CEP128: variants seen among roughly 807,000 people sequenced by gnomAD.
CEP128 encodes the protein centrosomal protein 128kDa.
In CEP128, 132 loss-of-function variants were observed where a neutral mutation model predicts 156.7. The ratio of observed to expected loss-of-function variants is 0.84; its 90% CI spans 0.73 to 0.97. The LOEUF is 0.97. Ranked by LOEUF, CEP128 falls within the 50% of genes least tolerant of loss-of-function variation. CEP128 has a pLI of 0.00. For missense variants in CEP128, 1,252 were observed against 1,281.9 expected, an observed-to-expected ratio of 0.98 and a Z score of 0.36; for synonymous variants, 469 against 448.9, an observed-to-expected ratio of 1.04 and a Z score of -0.57.
chr14:80,899,831 T>A (rs1883427055), intron 7 of CEP128, 107 bp downstream of exon 7: 4 of 775,066 alleles, frequency 5.2e-6, no homozygotes, highest in Non-Finnish European at 8.6e-6. Context: ...AGGTACTGTA[T>A]ACAAACACAA....
chr14:80,623,374 G>T (rs1269974884), intron 19 of CEP128, among the ~76,000 whole-genome samples: 1 of 151,354 alleles, frequency 6.6e-6, no homozygotes, highest in African/African-American at 2.4e-5. Context: ...ACGAGTTAAT[G>T]GGTGCAGCAC....
At chr14:80,760,178 C>T (rs1240059820) in intron 17 of CEP128, among the ~76,000 whole-genome samples, 2 of 151,496 alleles carry the variant, frequency 1.3e-5, no homozygotes, top group Admixed American at 1.3e-4. Flanking sequence ...TTATCATAGG[C>T]CCTACAATAG....
intron 23 of CEP128, among the ~76,000 whole-genome samples, chr14:80,519,464 C>T (rs1482832513): frequency 6.6e-6 from 1 of 152,200 alleles, no homozygotes; most frequent in Non-Finnish European, 1.5e-5. Context: ...TCCAGCCCTT[C>T]CCCTGGAGAG....
chr14:80,790,863 A>G (rs1488949633), intron 14 of CEP128, among the ~76,000 whole-genome samples: 1 of 152,142 alleles, frequency 6.6e-6, no homozygotes, highest in Non-Finnish European at 1.5e-5. Context: ...GCATCATATG[A>G]TCATATAAAA....
chr14:80,764,302 T>C (rs1900123526), intron 16 of CEP128, among the ~76,000 whole-genome samples: 1 of 151,602 alleles, frequency 6.6e-6, no homozygotes. Flanking sequence ...ATCGAGACCA[T>C]CCTGGCTAAC....
chr14:80,846,938 C>T lies in CEP128; in HGVS notation c.763-6170G>A, dbSNP rs374441646. Among the ~76,000 whole-genome samples the T allele has an allele frequency of 5.9e-5, 9 of 152,188 alleles. No homozygotes were observed. The East Asian group carries it at 1.7e-3, about 29-fold the overall frequency. Reference sequence around the variant, plus strand: ...TAGGCCAATGAAATATATTATCAAACTGGAATATTCTTTAATCCAGCCAAC... The same window carrying T: ...TAGGCCAATGAAATATATTATCAAATTGGAATATTCTTTAATCCAGCCAAC... On this transcript the variant is annotated intron_variant, in intron 9 of 24. Transcript: ENST00000555265.
chr14:80,720,498 C>T (rs1897776237), intron 19 of CEP128, among the ~76,000 whole-genome samples: 1 of 152,130 alleles, frequency 6.6e-6, no homozygotes, highest in African/African-American at 2.4e-5. Flanking sequence ...TCTATGGATC[C>T]AAGGCTTGTT....
intron 19 of CEP128, among the ~76,000 whole-genome samples, chr14:80,699,658 T>C (rs1434424155): frequency 3.4e-4 from 1 of 2,974 alleles, no homozygotes; most frequent in Non-Finnish European, 6.4e-4. Context: ...ACAGAGAGAT[T>C]AAACCTATTA....
intron 23 of CEP128, among the ~76,000 whole-genome samples, chr14:80,521,202 A>G (rs1398666567): frequency 6.6e-6 from 1 of 151,998 alleles, no homozygotes; most frequent in Non-Finnish European, 1.5e-5. Context: ...TGTTTGTTAA[A>G]AACTAATAAA....
chr14:80,884,183 T>C (rs1463904273), intron 8 of CEP128, among the ~76,000 whole-genome samples: 1 of 151,996 alleles, frequency 6.6e-6, no homozygotes, highest in Non-Finnish European at 1.5e-5. Flanking sequence ...ATTTCTTGAG[T>C]AATAATCCAA....
chr14:80,916,937 T>G (rs1257682988), intron 2 of CEP128, among the ~76,000 whole-genome samples: 1 of 152,150 alleles, frequency 6.6e-6, no homozygotes, highest in African/African-American at 2.4e-5. Flanking sequence ...TTCTCTAAAG[T>G]TAGGACCAGC....
At chr14:80,601,577 G>A (rs1304175500) in intron 19 of CEP128, among the ~76,000 whole-genome samples, 1 of 152,138 alleles carries the variant, frequency 6.6e-6, no homozygotes, top group African/African-American at 2.4e-5. Flanking sequence ...AGATGGTATA[G>A]CCTACTGTAC....
At position 80,821,918 on chromosome 14, in the gene CEP128, C is replaced by T. The variant is rs531487064; in HGVS notation, c.1209+9225G>A. ...GGCTGGGAAAGCCTCACAATCATGGCGGAAGGTGACAGGCACGCAGACAAG... is the reference window on the plus strand; with the variant it reads ...GGCTGGGAAAGCCTCACAATCATGGTGGAAGGTGACAGGCACGCAGACAAG... On this transcript the variant is annotated intron_variant, in intron 13 of 24. Coordinates refer to ENST00000555265, the MANE Select transcript of CEP128 (RefSeq NM_152446.5). Among the ~76,000 whole-genome samples the T allele has an allele frequency of 6.3e-5, 8 of 126,212 alleles. No homozygotes were observed. The East Asian group carries it at 1.3e-3, about 20-fold the overall frequency. 82.8% of individuals were successfully genotyped at this position (126,212 alleles called of 152,430 possible).
At chr14:80,857,758 ACAACAAC>A (rs1566674754) in intron 9 of CEP128, among the ~76,000 whole-genome samples, 16 of 150,406 alleles carry the variant, frequency 1.1e-4, no homozygotes, top group East Asian at 1.9e-4. Context: ...AACAACAACA[ACAACAAC>A]AACAAAAAAC....
chr14:80,800,395 G>C (rs938379435), intron 13 of CEP128, among the ~76,000 whole-genome samples: 1 of 152,170 alleles, frequency 6.6e-6, no homozygotes, highest in African/African-American at 2.4e-5. Flanking sequence ...GTTAGAATTA[G>C]TGACATAATC....
intron 10 of CEP128, among the ~76,000 whole-genome samples, chr14:80,840,275 A>AT (rs1169135359): frequency 2.2e-4 from 33 of 152,176 alleles, no homozygotes; most frequent in African/African-American, 7.5e-4. Context: ...AAGATCATTG[A>AT]TATTTAATAT....
intron 19 of CEP128, among the ~76,000 whole-genome samples, chr14:80,607,031 TAC>T (rs1233182344): frequency 6.6e-6 from 1 of 151,542 alleles, no homozygotes; most frequent in African/African-American, 2.4e-5. Flanking sequence ...ATAACATATA[TAC>T]GATACACACA....
At chr14:80,598,604 G>C (rs1023480178) in intron 19 of CEP128, among the ~76,000 whole-genome samples, 23 of 151,982 alleles carry the variant, frequency 1.5e-4, no homozygotes, top group African/African-American at 5.6e-4. Flanking sequence ...CTTTTTTGTA[G>C]CTAACAACAA....
chr14:80,880,559 A>G (rs905521654), intron 8 of CEP128, among the ~76,000 whole-genome samples: 1 of 152,072 alleles, frequency 6.6e-6, no homozygotes, highest in Admixed American at 6.6e-5. Flanking sequence ...GGTCCTACAC[A>G]TCAAAAACCC....
Sources: allele counts gnomAD v4.1 joint callset (sites outside exome capture counted in the v4.1 genomes callset), GRCh38; gene constraint gnomAD v4.1.1; transcripts MANE v1.5; gene names NCBI Gene and HGNC (gene_info 2026-07-23, HGNC 2026-07-21).